CCDC85C: variants seen among roughly 807,000 people sequenced by gnomAD.
The protein encoded by CCDC85C is coiled-coil domain containing 85C, also known as coiled-coil domain-containing protein 85C.
CCDC85C carries 18 observed loss-of-function variants against 38.3 expected under a neutral mutation model. That is an observed-to-expected ratio of 0.47 (90% CI 0.33 to 0.70). CCDC85C has a LOEUF of 0.70. Among genes scored for constraint, CCDC85C ranks in the 30% least tolerant of loss-of-function variants. The probability of loss-of-function intolerance (pLI) is 0.03; values close to 1 mark genes in which losing one functional copy is unlikely to be tolerated. For synonymous variants in CCDC85C, 264 were observed against 293.8 expected, an observed-to-expected ratio of 0.90 and a Z score of 1.04; for missense variants, 566 against 621.2, an observed-to-expected ratio of 0.91 and a Z score of 0.94.
intron 1 of CCDC85C, among the ~76,000 whole-genome samples, chr14:99,550,685 T>C (rs1205628536): frequency 6.6e-6 from 1 of 152,198 alleles, no homozygotes; most frequent in East Asian, 1.9e-4. Context: ...CCGAAAGCCC[T>C]GGCATAGGAC....
intron 1 of CCDC85C, among the ~76,000 whole-genome samples, chr14:99,541,319 A>G (rs1259235367): frequency 4.6e-5 from 7 of 152,114 alleles, no homozygotes; most frequent in Non-Finnish European, 1.0e-4. Context: ...AAGCTGGGGA[A>G]CCCCAGACAA....
rs980637533 is a variant in CCDC85C, at chr14:99,512,487, G to A, written c.*2759C>T. On this transcript the variant is annotated 3_prime_UTR_variant, in exon 6 of 6. Transcript: ENST00000380243. ...CCTCAAGTTTCAAGAAAAAAAAAAT[G>A]AAAGGTCACTTTTTTCTCTTTAAAC... 1 of 151,522 alleles carries A rather than the reference G, an allele frequency of 6.6e-6. No homozygotes were observed. 9.4% of individuals were successfully genotyped at this position (151,522 alleles called of 1,614,324 possible). A position where few individuals can be genotyped will look rare whatever the true frequency, so the allele number is the denominator to read the frequency against.
In CCDC85C at chr14:99,544,489, GGTGTGTGT is replaced by G. The variant is rs111754976; in HGVS notation, c.794-8409_794-8402del. On this transcript the variant is annotated intron_variant, in intron 1 of 5. Transcript: ENST00000380243. The surrounding 1 kb of genome is among the most constrained non-coding windows in gnomAD (Gnocchi z 5.3). The stretch of plus-strand genomic sequence containing the variant: ...ATAAAAACAGGGCTAAAATTTGAAG[GGTGTGTGT>G]GTGTGTGTGTGTGTGTGTGTCTGTG... 3.4e-5 allele frequency among the ~76,000 whole-genome samples: 5 copies of G among 147,992 alleles called. No individual in the cohort carries two copies. Among genetic ancestry groups the G allele is most frequent in the East Asian group, 2.0e-4 (1 of 5,040 alleles).
chr14:99,561,383 C>A (rs1455939542), intron 1 of CCDC85C, among the ~76,000 whole-genome samples: 2 of 152,224 alleles, frequency 1.3e-5, no homozygotes, highest in African/African-American at 4.8e-5. Context: ...AGCCCCGTGA[C>A]CAGCTGGACT....
intron 3 of CCDC85C, 95 bp from the exon 4 acceptor site, chr14:99,517,278 GC>G: frequency 1.0e-6 from 1 of 976,408 alleles, no homozygotes; most frequent in Non-Finnish European, 1.5e-6. Context: ...AGGGGCCAGG[GC>G]CCAGGCAGGA....
intron 3 of CCDC85C, among the ~76,000 whole-genome samples, chr14:99,519,936 A>G (rs927979333): frequency 1.3e-5 from 2 of 152,190 alleles, no homozygotes; most frequent in African/African-American, 4.8e-5. Context: ...CGATGGGTAC[A>G]GGGTGTCTTT....
chr14:99,536,845 A>G (rs1213973417), intron 1 of CCDC85C, among the ~76,000 whole-genome samples: 1 of 152,108 alleles, frequency 6.6e-6, no homozygotes, highest in African/African-American at 2.4e-5. Flanking sequence ...GGAAAACACA[A>G]AAAAATCCCA....
At chr14:99,521,438 G>C (rs899973930) in intron 3 of CCDC85C, among the ~76,000 whole-genome samples, 4 of 152,212 alleles carry the variant, frequency 2.6e-5, no homozygotes, top group African/African-American at 9.6e-5. Context: ...AGAGCAGGAA[G>C]GGGCACAGCT....
chr14:99,581,538 G>A (rs1422557094), intron 1 of CCDC85C, among the ~76,000 whole-genome samples: 1 of 152,240 alleles, frequency 6.6e-6, no homozygotes, highest in Non-Finnish European at 1.5e-5. Context: ...AGGCCTGCCT[G>A]CCTGGCCTGG....
Position 99,603,465 on chromosome 14 carries a change from G to T in CCDC85C, c.495C>A (p.Ser165Arg). 6.2e-6 allele frequency: 8 copies of T among 1,284,392 alleles called. No individual in the cohort carries two copies. Among genetic ancestry groups the T allele is most frequent in the African/African-American group, 4.7e-5 (3 of 64,168 alleles). The allele number at this position is 1,284,392 out of a possible 1,614,324, so 79.6% of individuals were successfully genotyped here. A position where few individuals can be genotyped will look rare whatever the true frequency, so the allele number is the denominator to read the frequency against. The change falls in exon 1 of 6, where the codon AGC becomes AGA. Residue 165 changes from serine (S) to arginine (R), a missense_variant. Coordinates refer to ENST00000380243, the MANE Select transcript of CCDC85C (RefSeq NM_001144995.2). The surrounding 1 kb of genome is among the most constrained non-coding windows in gnomAD (Gnocchi z 7.5). The stretch of plus-strand genomic sequence containing the variant: ...CGCCGCCCCCGCCGCCGCCGCCACC[G>T]CTTGCGGCCCCCGTCGCCGCCAGTG... Reference protein sequence around the residue: ...RAALAATGAASGGGGGGGGAG... With the variant: ...RAALAATGAARGGGGGGGGAG...
At position 99,545,924 on chromosome 14, in the gene CCDC85C, C is replaced by T. The variant is rs1897797657; in HGVS notation, c.794-9836G>A. ...GGTCACTGTTCCAATCATCCAACTC[C>T]CAGCCTCCAACTCCGAGGGACCCTT... is the stretch of plus-strand genomic sequence containing the variant. On this transcript the variant is annotated intron_variant, in intron 1 of 5. Coordinates refer to ENST00000380243, the MANE Select transcript of CCDC85C (RefSeq NM_001144995.2). This position sits in a 1 kb window ranked among gnomAD's most constrained non-coding sequence, Gnocchi z 4.7. 6.6e-6 allele frequency among the ~76,000 whole-genome samples: 1 copy of T among 152,060 alleles called. No individual in the cohort carries two copies. The highest frequency in any genetic ancestry group is 1.5e-5 in the Non-Finnish European group (1 of 68,032).
chr14:99,582,253 G>A (rs531127987), intron 1 of CCDC85C, among the ~76,000 whole-genome samples: 28 of 152,246 alleles, frequency 1.8e-4, no homozygotes, highest in Non-Finnish European at 3.5e-4. Context: ...CACTTCTGAC[G>A]ACGACCACCC....
Position 99,572,655 on chromosome 14 carries a change from G to A in CCDC85C, c.793+30512C>T, listed in dbSNP as rs1033501870. On this transcript the variant is annotated intron_variant, in intron 1 of 5. Transcript: ENST00000380243. The surrounding 1 kb of genome is among the most constrained non-coding windows in gnomAD (Gnocchi z 4.4). ...GCTGCTTATCATCCAAGCCCCAGGT[G>A]ACCTGGCCCCTCCTTAAGAGGCCTC... 1 of 455,794 alleles carries A rather than the reference G, an allele frequency of 2.2e-6. No individual in the cohort carries two copies. Among genetic ancestry groups the A allele is most frequent in the Non-Finnish European group, 4.4e-6 (1 of 226,674 alleles). The allele number at this position is 455,794 out of a possible 1,614,324, so 28.2% of individuals were successfully genotyped here. A position where few individuals can be genotyped will look rare whatever the true frequency, so the allele number is the denominator to read the frequency against.
At chr14:99,579,584 G>T (rs1479855079) in intron 1 of CCDC85C, among the ~76,000 whole-genome samples, 1 of 152,230 alleles carries the variant, frequency 6.6e-6, no homozygotes, top group Non-Finnish European at 1.5e-5. Context: ...CCTTCTCCAG[G>T]GCGCAGCCCC....
chr14:99,596,304 C>T (rs1256608784), intron 1 of CCDC85C, among the ~76,000 whole-genome samples: 3 of 152,174 alleles, frequency 2.0e-5, no homozygotes, highest in African/African-American at 7.2e-5. Flanking sequence ...AGGGAAAATG[C>T]CCAGCTTTGA....
In CCDC85C at chr14:99,580,203, C is replaced by T. The variant is rs549175116; in HGVS notation, c.793+22964G>A. ...AGGCTGGGTGGCTCAGGTGTGGCCCCGGAGCTCGGCAGGCCCAGCCCCCAG... is the reference window on the plus strand; with the variant it reads ...AGGCTGGGTGGCTCAGGTGTGGCCCTGGAGCTCGGCAGGCCCAGCCCCCAG... On this transcript the variant is annotated intron_variant, in intron 1 of 5. Transcript: ENST00000380243. 2.7e-5 allele frequency: 12 copies of T among 440,804 alleles called. 1 individual carries two copies. Among genetic ancestry groups the T allele is most frequent in the South Asian group, 1.5e-4 (9 of 61,946 alleles). 27.3% of individuals were successfully genotyped at this position (440,804 alleles called of 1,614,324 possible). A position where few individuals can be genotyped will look rare whatever the true frequency, so the allele number is the denominator to read the frequency against.
At chr14:99,534,820 C>A in intron 2 of CCDC85C, 1 of 658,926 alleles carries the variant, frequency 1.5e-6, no homozygotes. Context: ...CAAAGCCCTT[C>A]ACCATAGGGC....
Position 99,503,244 on chromosome 14 carries a change from C to T in CCDC85C, c.*12002G>A. On this transcript the variant is annotated 3_prime_UTR_variant, in exon 6 of 6. Coordinates refer to ENST00000380243, the MANE Select transcript of CCDC85C (RefSeq NM_001144995.2). The stretch of plus-strand genomic sequence containing the variant: ...TTTCATCCCTGCCAGGGTTCTGAAG[C>T]CTGTCGGTGTCGTTGCCGTGTCCTA... 1.5e-6 allele frequency: 1 copy of T among 651,574 alleles called. No homozygotes were observed. The highest frequency in any genetic ancestry group is 2.8e-6 in the Non-Finnish European group (1 of 360,800). 40.4% of individuals were successfully genotyped at this position (651,574 alleles called of 1,614,324 possible). A position where few individuals can be genotyped will look rare whatever the true frequency, so the allele number is the denominator to read the frequency against.
Position 99,510,749 on chromosome 14 carries a change from TG to T in CCDC85C, c.*4496del. The T allele has an allele frequency of 2.1e-6, 3 of 1,446,598 alleles. No homozygotes were observed. The highest frequency in any genetic ancestry group is 2.7e-6 in the Non-Finnish European group (3 of 1,100,430). The allele number at this position is 1,446,598 out of a possible 1,614,324, so 89.6% of individuals were successfully genotyped here. On this transcript the variant is annotated 3_prime_UTR_variant, in exon 6 of 6. Transcript: ENST00000380243. The stretch of plus-strand genomic sequence containing the variant: ...TTCCCCCACCCGGCATGCCTCCAGT[TG>T]GGGGGCTGGGGCGGGCAGCCTGGAT...
Sources: allele counts gnomAD v4.1 joint callset (sites outside exome capture counted in the v4.1 genomes callset), GRCh38; gene constraint gnomAD v4.1.1; non-coding constraint Gnocchi (gnomAD v3.1); transcripts MANE v1.5; gene names NCBI Gene and HGNC (gene_info 2026-07-23, HGNC 2026-07-21).